Variants in PPARGC1A observed in about 807,000 individuals in gnomAD.
The protein encoded by PPARGC1A is PPARG coactivator 1 alpha.
Under a neutral mutation model 88.7 loss-of-function variants are expected in PPARGC1A, and 25 were observed. The ratio of observed to expected loss-of-function variants is 0.28; its 90% confidence interval spans 0.21 to 0.39. The LOEUF is 0.39. Among genes scored for constraint, PPARGC1A ranks in the 10% least tolerant of loss-of-function variants. The probability of loss-of-function intolerance (pLI) is 1.00; values close to 1 mark genes in which losing one functional copy is unlikely to be tolerated. For synonymous variants in PPARGC1A, 363 were observed against 355.6 expected (o/e 1.02, Z -0.24); for missense variants, 880 against 968.7 (o/e 0.91, Z 1.22).
the PPARGC1A span, among the ~76,000 whole-genome samples, chr4:24,247,211 G>C: frequency 6.6e-6 from 1 of 151,900 alleles, no homozygotes; most frequent in Non-Finnish European, 1.5e-5. Context: ...CCCCCAAAAA[G>C]AAAAAAGTCT....
chr4:24,247,190 C>T, the PPARGC1A span, among the ~76,000 whole-genome samples: 6 of 152,096 alleles, frequency 3.9e-5, no homozygotes, highest in East Asian at 5.8e-4. Context: ...TACATCCTCT[C>T]GACCCACCAC....
the PPARGC1A span, among the ~76,000 whole-genome samples, chr4:24,356,899 T>C: frequency 6.6e-6 from 1 of 152,208 alleles, no homozygotes; most frequent in African/African-American, 2.4e-5. Context: ...TTCCCCTCCA[T>C]ACCCTGGGGT....
chr4:24,339,206 G>GTGTA, the PPARGC1A span, among the ~76,000 whole-genome samples: 1 of 37,626 alleles, frequency 2.7e-5, no homozygotes, highest in African/African-American at 6.9e-5. Flanking sequence ...GTGTGTGTGT[G>GTGTA]TGTGTGTATA....
chr4:24,380,339 C>A, the PPARGC1A span, among the ~76,000 whole-genome samples: 2 of 152,084 alleles, frequency 1.3e-5, no homozygotes, highest in Non-Finnish European at 2.9e-5. Context: ...GGCACAGAAG[C>A]AGGAGGCACG....
chr4:24,207,527 C>G, the PPARGC1A span, among the ~76,000 whole-genome samples: 7 of 152,174 alleles, frequency 4.6e-5, no homozygotes, highest in Non-Finnish European at 1.0e-4. Context: ...TGAAAAGAAA[C>G]TTGCTCATTT....
At chr4:24,251,207 G>A in the PPARGC1A span, among the ~76,000 whole-genome samples, 3 of 152,190 alleles carry the variant, frequency 2.0e-5, no homozygotes, top group Non-Finnish European at 4.4e-5. Flanking sequence ...GATGCTGAAT[G>A]TGTTCAAATC....
the PPARGC1A span, among the ~76,000 whole-genome samples, chr4:23,910,865 A>G: frequency 5.3e-5 from 8 of 152,132 alleles, no homozygotes; most frequent in African/African-American, 1.9e-4. Context: ...TAACTTGCTC[A>G]GGGTTACACA....
intron 5 of PPARGC1A, among the ~76,000 whole-genome samples, chr4:23,824,915 C>T (rs777460823): frequency 6.6e-5 from 10 of 152,060 alleles, no homozygotes; most frequent in East Asian, 5.8e-4. Context: ...ACTCCTAAAA[C>T]GTATAATTTT....
the PPARGC1A span, among the ~76,000 whole-genome samples, chr4:24,248,582 C>A: frequency 2.6e-5 from 4 of 152,160 alleles, no homozygotes; most frequent in Non-Finnish European, 5.9e-5. Flanking sequence ...CCTCCCCCAG[C>A]GACCATGACA....
chr4:23,898,049 G>T (rs1310872932), intron 1 of PPARGC1A, among the ~76,000 whole-genome samples: 1 of 152,124 alleles, frequency 6.6e-6, no homozygotes. Flanking sequence ...TAAGAATAAG[G>T]TCTACAGCAG....
chr4:24,054,431 T>C, the PPARGC1A span, among the ~76,000 whole-genome samples: 1 of 152,202 alleles, frequency 6.6e-6, no homozygotes, highest in South Asian at 2.1e-4. Flanking sequence ...TGGAAATGTT[T>C]ATTCCACTTG....
chr4:24,399,671 A>G, the PPARGC1A span, among the ~76,000 whole-genome samples: 1 of 152,336 alleles, frequency 6.6e-6, no homozygotes, highest in East Asian at 1.9e-4. Context: ...TTAACAAAAT[A>G]CGAACACTCA....
the PPARGC1A span, among the ~76,000 whole-genome samples, chr4:24,024,371 A>G: frequency 6.6e-6 from 1 of 152,200 alleles, no homozygotes; most frequent in Non-Finnish European, 1.5e-5. Context: ...GTCTGATTCC[A>G]CGGACCACAT....
the PPARGC1A span, among the ~76,000 whole-genome samples, chr4:23,999,418 C>A: frequency 6.6e-6 from 1 of 152,198 alleles, no homozygotes; most frequent in Non-Finnish European, 1.5e-5. Flanking sequence ...AGTGAGCCCA[C>A]TAAAATGCAA....
the PPARGC1A span, among the ~76,000 whole-genome samples, chr4:24,346,737 A>G: frequency 6.6e-6 from 1 of 151,958 alleles, no homozygotes; most frequent in Non-Finnish European, 1.5e-5. Flanking sequence ...TGTTTCATTT[A>G]TCTTTTGTAT....
the PPARGC1A span, among the ~76,000 whole-genome samples, chr4:24,241,916 C>T: frequency 2.6e-5 from 4 of 152,270 alleles, no homozygotes; most frequent in South Asian, 2.1e-4. Context: ...CGTTTTGCTC[C>T]GCTGTCAAGT....
At chr4:24,329,849 C>A in the PPARGC1A span, among the ~76,000 whole-genome samples, 8 of 152,128 alleles carry the variant, frequency 5.3e-5, no homozygotes, top group South Asian at 2.1e-4. Flanking sequence ...GAGAATCTAA[C>A]AAAGCAAACC....
the PPARGC1A span, among the ~76,000 whole-genome samples, chr4:24,327,329 T>C: frequency 4.1e-4 from 63 of 152,332 alleles, no homozygotes; most frequent in African/African-American, 1.4e-3. Context: ...TACTCATATA[T>C]GCCCTGCTCT....
chr4:24,434,553 C>T, the PPARGC1A span, among the ~76,000 whole-genome samples: 4 of 152,268 alleles, frequency 2.6e-5, no homozygotes, highest in East Asian at 5.8e-4. Context: ...GACAAATGCT[C>T]GGTGCACAGG....
Sources: allele counts gnomAD v4.1 joint callset (sites outside exome capture counted in the v4.1 genomes callset), GRCh38; gene constraint gnomAD v4.1.1; transcripts MANE v1.5; gene names NCBI Gene and HGNC (gene_info 2026-07-23, HGNC 2026-07-21).